RBM19: variants seen among roughly 807,000 people sequenced by gnomAD.
The protein encoded by RBM19 is RNA binding motif protein 19.
RBM19 carries 94 observed loss-of-function variants against 116.8 expected under a neutral mutation model. That is an observed-to-expected ratio of 0.80 (90% CI 0.68 to 0.95). The LOEUF is 0.95. Among genes scored for constraint, RBM19 ranks in the 40% least tolerant of loss-of-function variants. The pLI, the probability that RBM19 is intolerant of heterozygous loss-of-function variation, is 0.00. For missense variants in RBM19, 1,161 were observed against 1,220.7 expected (o/e 0.95, Z 0.73); for synonymous variants, 475 against 494.1 (o/e 0.96, Z 0.51).
At chr12:113,954,807 C>A (rs995326908) in intron 7 of RBM19, among the ~76,000 whole-genome samples, 1 of 152,168 alleles carries the variant, frequency 6.6e-6, no homozygotes, top group Non-Finnish European at 1.5e-5. Context: ...TGAGTAGTCA[C>A]AACAGAGACC....
chr12:113,963,402 G>A (rs1330881379), intron 1 of RBM19, among the ~76,000 whole-genome samples: 4 of 152,214 alleles, frequency 2.6e-5, no homozygotes, highest in Middle Eastern at 6.8e-3. Context: ...GGAGTTGAGG[G>A]GACATTCAGG....
chr12:113,943,071 G>A (rs1293563321), intron 13 of RBM19, among the ~76,000 whole-genome samples: 2 of 152,152 alleles, frequency 1.3e-5, no homozygotes, highest in African/African-American at 4.8e-5. Context: ...GGCCTCCATG[G>A]CTTTTACCCC....
At chr12:113,952,116 G>A (rs79252415) in intron 8 of RBM19, among the ~76,000 whole-genome samples, 3,572 of 152,328 alleles carry the variant, frequency 0.023, 80 homozygotes, top group Non-Finnish European at 0.035. Context: ...GTATAAACCT[G>A]CAGGGAGGGT....
intron 7 of RBM19, among the ~76,000 whole-genome samples, chr12:113,953,451 G>T (rs981000172): frequency 1.3e-5 from 2 of 152,216 alleles, no homozygotes; most frequent in African/African-American, 4.8e-5. Context: ...TTGCACCATT[G>T]TACTCCAGCC....
At chr12:113,941,651 C>T (rs1250587658) in intron 14 of RBM19, among the ~76,000 whole-genome samples, 2 of 146,550 alleles carry the variant, frequency 1.4e-5, no homozygotes, top group Non-Finnish European at 3.0e-5. Context: ...CATATTCATC[C>T]TCCATCCATC....
chr12:113,853,576 C>T (rs904042273), intron 22 of RBM19, among the ~76,000 whole-genome samples: 1 of 152,194 alleles, frequency 6.6e-6, no homozygotes, highest in African/African-American at 2.4e-5. Context: ...TCCGTGTTGC[C>T]CTTCCTTTCT....
intron 21 of RBM19, among the ~76,000 whole-genome samples, chr12:113,871,697 G>A (rs1174840895): frequency 6.6e-6 from 1 of 152,226 alleles, no homozygotes; most frequent in East Asian, 1.9e-4. Context: ...GGGCTATTTA[G>A]GACAGGGGCA....
intron 22 of RBM19, among the ~76,000 whole-genome samples, chr12:113,857,823 T>C (rs562587684): frequency 6.6e-6 from 1 of 152,334 alleles, no homozygotes; most frequent in South Asian, 2.1e-4. Context: ...ACCCACCCCC[T>C]GGGCCTCTTG....
chr12:113,902,666 A>AT lies in RBM19; in HGVS notation c.2558+12302dup, dbSNP rs1366138077. On this transcript the variant is annotated intron_variant, in intron 21 of 23. Coordinates refer to ENST00000261741, the MANE Select transcript of RBM19 (RefSeq NM_016196.4). Reference sequence around the variant, plus strand: ...CACAGTATGTCATCTTTTCAGGATTATTTTTTTCTATTTAGTATAAATCTC... The same window carrying AT: ...CACAGTATGTCATCTTTTCAGGATTATTTTTTTTCTATTTAGTATAAATCTC... Among the ~76,000 whole-genome samples, 3 of 150,402 alleles carry AT rather than the reference A, an allele frequency of 2.0e-5. No homozygotes were observed. In the South Asian group the frequency reaches 6.3e-4, roughly 32 times the overall value.
chr12:113,937,642 C>T (rs992390352), intron 15 of RBM19, among the ~76,000 whole-genome samples: 22 of 151,896 alleles, frequency 1.4e-4, no homozygotes, highest in African/African-American at 5.3e-4. Context: ...GTGGCACACA[C>T]CTGTAGTCCT....
intron 21 of RBM19, among the ~76,000 whole-genome samples, chr12:113,888,322 C>T (rs146824556): frequency 2.2e-4 from 33 of 152,326 alleles, no homozygotes; most frequent in African/African-American, 7.7e-4. Flanking sequence ...ACATCACATC[C>T]GTCAAAGACT....
intron 22 of RBM19, among the ~76,000 whole-genome samples, chr12:113,854,164 T>TC (rs57396464): frequency 0.21 from 32,024 of 152,032 alleles, 3,620 homozygotes; most frequent in East Asian, 0.47. Context: ...AGCCTTGGTT[T>TC]CCCAGCTGTC....
At chr12:113,819,605 T>C (rs1565953892), downstream of RBM19, among the ~76,000 whole-genome samples, 1 of 152,112 alleles carries the variant, frequency 6.6e-6, no homozygotes, top group Admixed American at 6.5e-5. Context: ...TCTACCAACG[T>C]CCCATCATTG....
chr12:113,868,025 G>C (rs1878958385), intron 21 of RBM19, among the ~76,000 whole-genome samples: 1 of 152,204 alleles, frequency 6.6e-6, no homozygotes, highest in African/African-American at 2.4e-5. Context: ...TTCCATCGCA[G>C]GCACCTTCGG....
chr12:113,931,222 T>C (rs1869569175), intron 16 of RBM19, among the ~76,000 whole-genome samples: 1 of 152,130 alleles, frequency 6.6e-6, no homozygotes, highest in Non-Finnish European at 1.5e-5. Flanking sequence ...AAAGTGCAGG[T>C]GTATACAGAC....
intron 7 of RBM19, among the ~76,000 whole-genome samples, chr12:113,954,556 AGTCATC>A (rs1871747556): frequency 6.6e-6 from 1 of 152,078 alleles, no homozygotes; most frequent in African/African-American, 2.4e-5. Context: ...ATAATTTAGT[AGTCATC>A]CTACTTACAG....
Position 113,844,686 on chromosome 12 carries a change from T to C in RBM19, c.2767A>G (p.Thr923Ala), listed in dbSNP as rs368987657. The C allele has an allele frequency of 6.2e-7, 1 of 1,611,388 alleles. No homozygotes were observed. The highest frequency in any genetic ancestry group is 8.5e-7 in the Non-Finnish European group (1 of 1,179,060). ...EVTLQALRRK[T>A]AAHFHEPPKK... ...CTCCTACCGTGAAAGTGAGCGGCCGTCTTCCGCCGCAGGGCCTGCAGGGTC... is the reference window on the plus strand; with the variant it reads ...CTCCTACCGTGAAAGTGAGCGGCCGCCTTCCGCCGCAGGGCCTGCAGGGTC... Residue 923 changes from threonine (T) to alanine (A), a missense_variant, in exon 23 of 24, where the codon ACG becomes GCG. By Grantham distance (58) the Thr-to-Ala change is moderately conservative (BLOSUM62 0). Coordinates refer to ENST00000261741, the MANE Select transcript of RBM19 (RefSeq NM_016196.4).
intron 21 of RBM19, among the ~76,000 whole-genome samples, chr12:113,872,076 T>A (rs1879250231): frequency 7.0e-6 from 1 of 142,932 alleles, no homozygotes; most frequent in Admixed American, 7.0e-5. Context: ...ATCTAGGAAG[T>A]GAGGAGCGCC....
intron 21 of RBM19, among the ~76,000 whole-genome samples, chr12:113,914,533 C>T (rs1882650520): frequency 1.3e-5 from 2 of 152,302 alleles, no homozygotes; most frequent in African/African-American, 2.4e-5. Flanking sequence ...GGTGCAGCCT[C>T]GGGAAAGGTG....
Sources: gnomAD v4.1 joint callset for allele counts (sites outside exome capture counted in the v4.1 genomes callset) on GRCh38, gnomAD v4.1.1 for gene constraint, MANE v1.5 for transcripts, NCBI Gene and HGNC (gene_info 2026-07-23, HGNC 2026-07-21) for gene names.